ASAP2: variants seen among roughly 807,000 people sequenced by gnomAD.
The protein encoded by ASAP2 is ArfGAP with SH3 domain, ankyrin repeat and PH domain 2.
In ASAP2, 45 loss-of-function variants were observed where a neutral mutation model predicts 131.4. The observed-to-expected ratio is 0.34, with a 90% CI of 0.27 to 0.44. The LOEUF (loss-of-function observed/expected upper bound fraction) is 0.44, where lower values mean the gene tolerates loss of function less well. Ranked by LOEUF, ASAP2 falls within the 20% of genes least tolerant of loss-of-function variation. The probability of loss-of-function intolerance (pLI) is 1.00; values close to 1 mark genes in which losing one functional copy is unlikely to be tolerated. For synonymous variants in ASAP2, 510 were observed against 503.0 expected (o/e 1.01, Z -0.19); for missense variants, 1,011 against 1,297.0 (o/e 0.78, Z 3.39).
chr2:9,299,966 C>T (rs1262164990), intron 3 of ASAP2, among the ~76,000 whole-genome samples: 2 of 152,236 alleles, frequency 1.3e-5, no homozygotes, highest in South Asian at 2.1e-4. Flanking sequence ...CACAGTGGCT[C>T]ACATGTGTCA....
chr2:9,252,998 A>G (rs1294055901), intron 1 of ASAP2, among the ~76,000 whole-genome samples: 1 of 151,864 alleles, frequency 6.6e-6, no homozygotes, highest in African/African-American at 2.4e-5. Context: ...CATCTTGACT[A>G]TTTAGTTGTT....
chr2:9,297,358 T>C lies in ASAP2; in HGVS notation c.258T>C (p.Cys86=), dbSNP rs144657542. The C allele has an allele frequency of 3.1e-6, 5 of 1,613,976 alleles. No homozygotes were observed. The African/African-American group carries it at 6.7e-5, about 22-fold the overall frequency. ...CTCTGGAGAAGTTTGGCGGCAACTG[T>C]GTATGCAGAGATGACCCAGATTTAG... ...TQALEKFGGN[C]VCRDDPDLGS... is the part of the protein sequence containing the mutation. The change falls in exon 3 of 28, where the codon TGT becomes TGC. Residue 86 remains cysteine, a synonymous_variant. Transcript: ENST00000281419.
chr2:9,402,787 C>T (rs1290498889), intron 27 of ASAP2, among the ~76,000 whole-genome samples: 1 of 152,042 alleles, frequency 6.6e-6, no homozygotes, highest in Non-Finnish European at 1.5e-5. Flanking sequence ...ATGTATCTAC[C>T]CAAGAGGGAA....
chr2:9,317,160 C>T (rs1366992807), intron 3 of ASAP2, among the ~76,000 whole-genome samples: 1 of 146,638 alleles, frequency 6.8e-6, no homozygotes, highest in Non-Finnish European at 1.5e-5. Context: ...CCACTCACAT[C>T]CACACTCTCA....
At chr2:9,250,577 G>T (rs1328687760) in intron 1 of ASAP2, among the ~76,000 whole-genome samples, 2 of 119,060 alleles carry the variant, frequency 1.7e-5, no homozygotes, top group Admixed American at 1.5e-4. Context: ...CGGCCCCCAG[G>T]GCAAATGCAG....
chr2:9,286,447 A>AAAAAAATATATATATATATAT (rs58605449), intron 2 of ASAP2, among the ~76,000 whole-genome samples: 8 of 148,414 alleles, frequency 5.4e-5, no homozygotes, highest in African/African-American at 1.5e-4. Context: ...GAAAAAAAAA[A>AAAAAAATATATATATATATAT]ATATATATAT....
chr2:9,270,832 G>C (rs186834263), intron 1 of ASAP2, among the ~76,000 whole-genome samples: 48 of 106,954 alleles, frequency 4.5e-4, no homozygotes, highest in Admixed American at 4.2e-4. Context: ...TCGCTCCGTC[G>C]CCCAGGCTGG....
At chr2:9,259,610 C>G (rs557414645) in intron 1 of ASAP2, among the ~76,000 whole-genome samples, 1 of 152,248 alleles carries the variant, frequency 6.6e-6, no homozygotes, top group South Asian at 2.1e-4. Flanking sequence ...CTTTGGCCCT[C>G]GCCTCTGTCT....
intron 25 of ASAP2, 101 bp downstream of exon 25, chr2:9,400,173 C>A (rs1676500949): frequency 7.9e-7 from 1 of 1,268,898 alleles, no homozygotes; most frequent in Non-Finnish European, 1.1e-6. Flanking sequence ...GAGGGCCCAG[C>A]TGTCTGCCAT....
chr2:9,307,149 C>T (rs1359916068), intron 3 of ASAP2, among the ~76,000 whole-genome samples: 1 of 152,224 alleles, frequency 6.6e-6, no homozygotes, highest in Admixed American at 6.5e-5. Context: ...AGCTGGAGTG[C>T]ATCAGCATCG....
intron 1 of ASAP2, among the ~76,000 whole-genome samples, chr2:9,216,858 C>T (rs1421152676): frequency 6.6e-6 from 1 of 152,136 alleles, no homozygotes; most frequent in African/African-American, 2.4e-5. Context: ...CTTGCCCTCC[C>T]AAAGTGCTGG....
At chr2:9,378,085 A>C (rs2148727776) in intron 18 of ASAP2, among the ~76,000 whole-genome samples, 2 of 151,580 alleles carry the variant, frequency 1.3e-5, no homozygotes, top group East Asian at 1.9e-4. Flanking sequence ...AATGAAACAC[A>C]CCCCCCGCTC....
In ASAP2 at chr2:9,206,958, C is replaced by G; in HGVS notation, c.-147C>G. 1.3e-6 allele frequency: 1 copy of G among 767,696 alleles called. No individual in the cohort carries two copies. Among genetic ancestry groups the G allele is most frequent in the Non-Finnish European group, 1.6e-6 (1 of 633,250 alleles). The allele number at this position is 767,696 out of a possible 1,614,324, so 47.6% of individuals were successfully genotyped here. ...GCCCCTGCTCCGCCGCCAGGCCCCGCGCGGCTCCCGCGCCCGGCGCTCCCC... is the reference window on the plus strand; with the variant it reads ...GCCCCTGCTCCGCCGCCAGGCCCCGGGCGGCTCCCGCGCCCGGCGCTCCCC... On this transcript the variant is annotated 5_prime_UTR_variant, in exon 1 of 28. Coordinates refer to ENST00000281419, the MANE Select transcript of ASAP2 (RefSeq NM_003887.3). This position sits in a 1 kb window ranked among gnomAD's most constrained non-coding sequence, Gnocchi z 4.0.
At chr2:9,384,030 G>A (rs1328252758) in intron 20 of ASAP2, among the ~76,000 whole-genome samples, 1 of 152,136 alleles carries the variant, frequency 6.6e-6, no homozygotes, top group African/African-American at 2.4e-5. Context: ...GGGAGACGGG[G>A]GAGGGATAGC....
intron 1 of ASAP2, among the ~76,000 whole-genome samples, chr2:9,212,640 C>A (rs1661658694): frequency 1.3e-5 from 2 of 152,146 alleles, no homozygotes; most frequent in South Asian, 4.1e-4. Flanking sequence ...CCGGTGCCTT[C>A]CTTTGTGGAG....
At chr2:9,381,494 G>A (rs1674838605) in intron 20 of ASAP2, among the ~76,000 whole-genome samples, 1 of 152,222 alleles carries the variant, frequency 6.6e-6, no homozygotes, top group South Asian at 2.1e-4. Context: ...CAAAGCTTTG[G>A]GAGGCTAAGG....
chr2:9,208,426 T>TTTTTTG (rs1320245503), intron 1 of ASAP2, among the ~76,000 whole-genome samples: 41 of 150,010 alleles, frequency 2.7e-4, no homozygotes, highest in African/African-American at 1.0e-3. Context: ...TTTTTTTTTT[T>TTTTTTG]CCCATTTGAA....
intron 1 of ASAP2, among the ~76,000 whole-genome samples, chr2:9,248,393 T>C (rs1664483431): frequency 6.6e-6 from 1 of 151,542 alleles, no homozygotes; most frequent in Non-Finnish European, 1.5e-5. Flanking sequence ...TTCTTCTGGG[T>C]AATTAGTGTA....
intron 1 of ASAP2, among the ~76,000 whole-genome samples, chr2:9,239,700 G>A (rs972082886): frequency 2.0e-5 from 3 of 151,976 alleles, no homozygotes; most frequent in African/African-American, 4.8e-5. Flanking sequence ...TGTTGTTGTC[G>A]TTGTTGTTGA....
Sources: gnomAD v4.1 joint callset for allele counts (sites outside exome capture counted in the v4.1 genomes callset) on GRCh38, gnomAD v4.1.1 for gene constraint, Gnocchi (gnomAD v3.1) non-coding constraint, MANE v1.5 for transcripts, NCBI Gene and HGNC (gene_info 2026-07-23, HGNC 2026-07-21) for gene names.